NLGN1: variants seen among roughly 807,000 people sequenced by gnomAD.
NLGN1 encodes the protein neuroligin 1, also known as neuroligin-1.
In NLGN1, 12 loss-of-function variants were observed where a neutral mutation model predicts 65.5. That is an observed-to-expected ratio of 0.18 (90% confidence interval 0.12 to 0.30). The LOEUF (loss-of-function observed/expected upper bound fraction) is 0.30. NLGN1 is among the 10% of genes least tolerant of loss of function. The pLI is 1.00. For synonymous variants in NLGN1, 350 were observed against 359.5 expected (o/e 0.97, Z 0.30); for missense variants, 750 against 1,007.1 (o/e 0.74, Z 3.46).
At chr3:173,533,644 A>T (rs1736965262) in intron 2 of NLGN1, among the ~76,000 whole-genome samples, 1 of 152,196 alleles carries the variant, frequency 6.6e-6, no homozygotes, top group Admixed American at 6.5e-5. Context: ...TCATCAAAAA[A>T]TATCCTTAAG....
chr3:173,597,284 A>G (rs1749640409), intron 2 of NLGN1, among the ~76,000 whole-genome samples: 1 of 152,174 alleles, frequency 6.6e-6, no homozygotes, highest in Admixed American at 6.6e-5. Context: ...TGGCCTTCAG[A>G]GAGTTATCTG....
Position 173,752,748 on chromosome 3 carries a change from A to T in NLGN1, c.494-54932A>T, listed in dbSNP as rs922715724. 2.4e-4 allele frequency among the ~76,000 whole-genome samples: 37 copies of T among 152,108 alleles called. 1 individual carries two copies. The highest frequency in any genetic ancestry group is 2.9e-5 in the Non-Finnish European group (2 of 68,012). ...TATACTCTCAACTTAAGTGGTTTTCAGACTGCCCAGTGATTCTGCTACTGT... is the reference window on the plus strand; with the variant it reads ...TATACTCTCAACTTAAGTGGTTTTCTGACTGCCCAGTGATTCTGCTACTGT... On this transcript the variant is annotated intron_variant, in intron 3 of 6. Coordinates refer to ENST00000457714, the Ensembl canonical transcript of NLGN1.
intron 4 of NLGN1, among the ~76,000 whole-genome samples, chr3:173,927,286 A>G (rs548783882): frequency 6.6e-6 from 1 of 151,874 alleles, no homozygotes; most frequent in Non-Finnish European, 1.5e-5. Flanking sequence ...CTGGTCTCAA[A>G]CTCCTGACCT....
chr3:174,149,947 A>T (rs745376322), intron 4 of NLGN1, among the ~76,000 whole-genome samples: 8 of 152,126 alleles, frequency 5.3e-5, no homozygotes, highest in Non-Finnish European at 1.0e-4. Context: ...GAAACTCAAG[A>T]TGTGTATATT....
chr3:173,417,048 T>C (rs2148674035), intron 1 of NLGN1, among the ~76,000 whole-genome samples: 1 of 152,192 alleles, frequency 6.6e-6, no homozygotes, highest in Admixed American at 6.5e-5. Flanking sequence ...GAGTACAAAC[T>C]GGTAAACCTG....
intron 2 of NLGN1, among the ~76,000 whole-genome samples, chr3:173,539,707 T>TAACAC (rs1289538891): frequency 7.3e-6 from 1 of 137,424 alleles, no homozygotes; most frequent in Non-Finnish European, 1.5e-5. Flanking sequence ...TGCACATATA[T>TAACAC]ACATATATGT....
intron 4 of NLGN1, among the ~76,000 whole-genome samples, chr3:173,849,979 CTTTAA>C (rs1726578608): frequency 6.6e-6 from 1 of 151,748 alleles, no homozygotes; most frequent in South Asian, 2.1e-4. Context: ...ATTGTATTTT[CTTTAA>C]TTATATTTAT....
intron 4 of NLGN1, among the ~76,000 whole-genome samples, chr3:173,964,307 GT>G (rs1206337485): frequency 2.0e-5 from 3 of 152,164 alleles, no homozygotes; most frequent in Non-Finnish European, 4.4e-5. Context: ...AGTTCATCTT[GT>G]TACCATACTG....
At chr3:173,711,751 A>G (rs115166414) in intron 3 of NLGN1, among the ~76,000 whole-genome samples, 2,620 of 152,234 alleles carry the variant, frequency 0.017, 31 homozygotes, top group Middle Eastern at 0.034. Flanking sequence ...TCGATCTACT[A>G]TGGTGATAAT....
chr3:174,074,063 T>G (rs1208253317), intron 4 of NLGN1, among the ~76,000 whole-genome samples: 1 of 152,158 alleles, frequency 6.6e-6, no homozygotes, highest in African/African-American at 2.4e-5. Context: ...AGGGTGTCAG[T>G]GCACTGAAAA....
At chr3:173,449,126 G>T (rs1328904083) in intron 2 of NLGN1, among the ~76,000 whole-genome samples, 2 of 151,940 alleles carry the variant, frequency 1.3e-5, no homozygotes, top group Non-Finnish European at 2.9e-5. Flanking sequence ...GTTTGCTCTT[G>T]CTTCTCTAAT....
intron 4 of NLGN1, among the ~76,000 whole-genome samples, chr3:174,079,148 G>A: frequency 6.6e-6 from 1 of 151,722 alleles, no homozygotes; most frequent in Non-Finnish European, 1.5e-5. Flanking sequence ...ATTTGATAAA[G>A]GTCTACTATC....
At chr3:173,857,618 C>T (rs1728252894) in intron 4 of NLGN1, among the ~76,000 whole-genome samples, 1 of 151,980 alleles carries the variant, frequency 6.6e-6, no homozygotes, top group South Asian at 2.1e-4. Context: ...ATGTTGCCTC[C>T]TGGATTGCGA....
rs907555166 is a variant in NLGN1, at chr3:173,914,587, G to T, written c.646+106755G>T. The stretch of plus-strand genomic sequence containing the variant: ...TATATATTTGATGAAGACTTACATC[G>T]TCAAGCTCTGGGACCAAGTACAAGG... On this transcript the variant is annotated intron_variant, in intron 4 of 6. Transcript: ENST00000457714. Among the ~76,000 whole-genome samples the T allele has an allele frequency of 4.6e-5, 7 of 151,942 alleles. No individual in the cohort carries two copies. In the East Asian group the frequency reaches 5.8e-4, roughly 13 times the overall value.
At chr3:174,289,540 T>G (rs534286763), downstream of NLGN1, among the ~76,000 whole-genome samples, 1 of 151,260 alleles carries the variant, frequency 6.6e-6, no homozygotes, top group Non-Finnish European at 1.5e-5. Flanking sequence ...ACTGGGATAA[T>G]TACTCTAAAC....
chr3:174,147,842 GA>G (rs1723628937), intron 4 of NLGN1, among the ~76,000 whole-genome samples: 1 of 151,996 alleles, frequency 6.6e-6, no homozygotes, highest in Non-Finnish European at 1.5e-5. Context: ...AATATATTTG[GA>G]AAGACCTCCA....
At chr3:173,525,620 T>C (rs190452264) in intron 2 of NLGN1, among the ~76,000 whole-genome samples, 301 of 152,222 alleles carry the variant, frequency 2.0e-3, no homozygotes, top group African/African-American at 7.1e-3. Context: ...ATCCTTGTTA[T>C]TTCTTTTCTT....
chr3:174,152,021 G>A (rs182976699), intron 4 of NLGN1, among the ~76,000 whole-genome samples: 19 of 152,128 alleles, frequency 1.2e-4, no homozygotes, highest in East Asian at 3.9e-4. Flanking sequence ...ACACCTTTGC[G>A]TATCTGTTCT....
At chr3:173,783,094 A>T (rs981358423) in intron 3 of NLGN1, among the ~76,000 whole-genome samples, 1 of 152,180 alleles carries the variant, frequency 6.6e-6, no homozygotes, top group East Asian at 1.9e-4. Flanking sequence ...AAGGATACAC[A>T]CGAAAACAAA....
Sources: gnomAD v4.1 joint callset for allele counts (sites outside exome capture counted in the v4.1 genomes callset) on GRCh38, gnomAD v4.1.1 for gene constraint, MANE v1.5 for transcripts, NCBI Gene and HGNC (gene_info 2026-07-23, HGNC 2026-07-21) for gene names.